CEP192: variants seen among roughly 807,000 people sequenced by gnomAD.
CEP192 encodes centrosomal protein of 192 kDa.
CEP192 carries 151 observed loss-of-function variants against 271.8 expected under a neutral mutation model. That is an observed-to-expected ratio of 0.56 (90% CI 0.49 to 0.64). The LOEUF (loss-of-function observed/expected upper bound fraction) is 0.64. Among genes scored for constraint, CEP192 ranks in the 30% least tolerant of loss-of-function variants. CEP192 has a pLI of 0.00. For missense variants in CEP192, 2,910 were observed against 3,020.5 expected, an observed-to-expected ratio of 0.96 and a Z score of 0.86; for synonymous variants, 995 against 1,076.5, an observed-to-expected ratio of 0.92 and a Z score of 1.48.
chr18:13,049,447 A>C lies in CEP192; in HGVS notation c.2656A>C (p.Asn886His). Residue 886 changes from asparagine to histidine, a missense_variant, in exon 16 of 45, where the codon AAC (asparagine) becomes CAC (histidine). Asn to His is a moderately conservative substitution (Grantham distance 68, BLOSUM62 1). Transcript: ENST00000506447. Reference sequence around the variant, plus strand: ...TGATGTGAAGACATGTTCCATTGACAACAAATTACAAGATGTTGGTAACGA... The same window carrying C: ...TGATGTGAAGACATGTTCCATTGACCACAAATTACAAGATGTTGGTAACGA... ...VVDVKTCSID[N>H]KLQDVGNDEK... is the part of the protein sequence containing the mutation. The C allele has an allele frequency of 6.2e-7, 1 of 1,614,184 alleles. No homozygotes were observed. Among genetic ancestry groups the C allele is most frequent in the Non-Finnish European group, 8.5e-7 (1 of 1,180,026 alleles).
chr18:12,991,588 A>G (rs940093625), intron 1 of CEP192, among the ~76,000 whole-genome samples, 151 bp downstream of exon 1: 1 of 152,260 alleles, frequency 6.6e-6, no homozygotes, highest in Non-Finnish European at 1.5e-5. Flanking sequence ...GGCGCGAGCA[A>G]GGGGACTGCC....
intron 33 of CEP192, among the ~76,000 whole-genome samples, chr18:13,090,691 C>T (rs1457905762): frequency 6.6e-6 from 1 of 152,098 alleles, no homozygotes; most frequent in Non-Finnish European, 1.5e-5. Context: ...CAGGAGTGTG[C>T]TAAGGGACCA....
At chr18:13,103,784 AG>A in intron 39 of CEP192, 196 bp downstream of exon 39, 1 of 630,296 alleles carries the variant, frequency 1.6e-6, no homozygotes, top group Non-Finnish European at 2.9e-6. Flanking sequence ...TCAACCTCCC[AG>A]GCTCAAGCAA....
chr18:13,041,679 C>T (rs1036771349), intron 14 of CEP192, among the ~76,000 whole-genome samples: 2 of 151,920 alleles, frequency 1.3e-5, no homozygotes, highest in Non-Finnish European at 2.9e-5. Context: ...ATTCTCCCAC[C>T]TCAGCCTCCC....
At chr18:13,040,735 C>A (rs2036156650) in intron 13 of CEP192, 95 bp from the exon 14 acceptor site, 1 of 959,166 alleles carries the variant, frequency 1.0e-6, no homozygotes, top group Non-Finnish European at 1.5e-6. Context: ...TTTTTGATGT[C>A]ATTTAGCTGT....
At position 13,029,760 on chromosome 18, in the gene CEP192, G is replaced by A. The variant is rs2035510117; in HGVS notation, c.1148G>A (p.Gly383Asp). Residue 383 changes from glycine to aspartate, a missense_variant, in exon 10 of 45, where the codon GGT becomes GAT. By Grantham distance (94) the Gly-to-Asp change is moderately conservative. Coordinates refer to ENST00000506447, the MANE Select transcript of CEP192 (RefSeq NM_032142.4). ...NFHDANANRGGFDLTDPVKQG... is the reference protein window; with the variant it reads ...NFHDANANRGDFDLTDPVKQG... ...CATGATGCAAATGCCAATAGAGGTGGTTTTGATCTGACTGACCCTGTAAAA... is the reference window on the plus strand; with the variant it reads ...CATGATGCAAATGCCAATAGAGGTGATTTTGATCTGACTGACCCTGTAAAA... 1 of 1,551,640 alleles carries A rather than the reference G, an allele frequency of 6.4e-7. No individual in the cohort carries two copies. The highest frequency in any genetic ancestry group is 8.7e-7 in the Non-Finnish European group (1 of 1,146,948).
At chr18:13,026,226 C>T (rs556308898) in intron 9 of CEP192, among the ~76,000 whole-genome samples, 155 of 152,244 alleles carry the variant, frequency 1.0e-3, no homozygotes, top group African/African-American at 3.4e-3. Context: ...AGCCAAATGT[C>T]GCTCTTTGTT....
intron 4 of CEP192, among the ~76,000 whole-genome samples, chr18:13,012,563 A>G (rs2034426074): frequency 6.6e-6 from 1 of 152,054 alleles, no homozygotes; most frequent in African/African-American, 2.4e-5. Flanking sequence ...GGGGTCTGAG[A>G]GAGGTTTTGT....
intron 34 of CEP192, among the ~76,000 whole-genome samples, chr18:13,094,514 C>T (rs2039296117): frequency 6.6e-6 from 1 of 152,076 alleles, no homozygotes; most frequent in African/African-American, 2.4e-5. Context: ...TTGATAGGTC[C>T]CCCGTCCTTC....
rs1275856128 is a variant in CEP192 at position 13,049,245 on chromosome 18, T to C, written c.2454T>C (p.Thr818=). Residue 818 remains threonine, a synonymous_variant, in exon 16 of 45, where the codon ACT becomes ACC. Coordinates refer to ENST00000506447, the MANE Select transcript of CEP192 (RefSeq NM_032142.4). ...ATTTATCTTTGCCCAAAGAACAAAC[T>C]ACTCAAGACATTCATCCGGTGGACT... The part of the protein sequence containing the change: ...TWDLSLPKEQ[T]TQDIHPVDLS... The C allele has an allele frequency of 1.2e-6, 2 of 1,614,156 alleles. No homozygotes were observed. Among genetic ancestry groups the C allele is most frequent in the Admixed American group, 3.3e-5 (2 of 60,024 alleles).
In CEP192 at chr18:13,072,786, G is replaced by A. The variant is rs751663232; in HGVS notation, c.5380G>A (p.Ala1794Thr). 1 of 1,611,806 alleles carries A rather than the reference G, an allele frequency of 6.2e-7. No homozygotes were observed. The highest frequency in any genetic ancestry group is 2.2e-5 in the East Asian group (1 of 44,860). The part of the protein sequence containing the change: ...LQKLALRNNS[A>T]STTQHLRLLI... ...GAAACTAGCTTTAAGAAATAATTCT[G>A]CATCTACAACTCAACATTTACGACT... Residue 1794 changes from alanine to threonine, a missense_variant, in exon 29 of 45, where the codon GCA becomes ACA. Physicochemically the swap from Ala to Thr is moderately conservative, Grantham distance 58 (BLOSUM62 0). Transcript: ENST00000506447.
At chr18:13,109,399 G>A (rs1279125431) in intron 40 of CEP192, among the ~76,000 whole-genome samples, 1 of 152,146 alleles carries the variant, frequency 6.6e-6, no homozygotes, top group East Asian at 1.9e-4. Flanking sequence ...ACTGGAAGTG[G>A]GAAAAGGGCT....
At chr18:13,025,414 G>C (rs754117691) in intron 9 of CEP192, among the ~76,000 whole-genome samples, 2 of 151,768 alleles carry the variant, frequency 1.3e-5, no homozygotes, top group African/African-American at 2.4e-5. Context: ...CTAGGGTCTT[G>C]CTATGTTGCC....
intron 21 of CEP192, among the ~76,000 whole-genome samples, chr18:13,064,473 G>A (rs937839554): frequency 5.3e-5 from 8 of 151,948 alleles, no homozygotes; most frequent in Admixed American, 2.6e-4. Context: ...TTAGCCAGGC[G>A]TGGTGGCGGG....
chr18:13,066,996 T>TGC (rs1319226494), intron 21 of CEP192, among the ~76,000 whole-genome samples: 2 of 151,510 alleles, frequency 1.3e-5, no homozygotes, highest in Non-Finnish European at 3.0e-5. Flanking sequence ...TGTGTGTGTG[T>TGC]GTGCCTGTAT....
chr18:13,085,467 C>T (rs1345968540), intron 30 of CEP192, among the ~76,000 whole-genome samples: 1 of 152,154 alleles, frequency 6.6e-6, no homozygotes, highest in African/African-American at 2.4e-5. Context: ...GAAGTCTTTG[C>T]CCATGTCTGT....
chr18:13,004,633 A>T (rs1054675812), intron 3 of CEP192, among the ~76,000 whole-genome samples: 1 of 152,074 alleles, frequency 6.6e-6, no homozygotes, highest in Non-Finnish European at 1.5e-5. Flanking sequence ...GTGAGGGTGG[A>T]GGAGGAGGAG....
In CEP192 at chr18:13,029,666, T is replaced by C. The variant is rs1271406749; in HGVS notation, c.1054T>C (p.Cys352Arg). 16 of 1,482,770 alleles carry C rather than the reference T, an allele frequency of 1.1e-5. No individual in the cohort carries two copies. The Admixed American group carries it at 1.5e-4, about 14-fold the overall frequency. 91.9% of individuals were successfully genotyped at this position (1,482,770 alleles called of 1,614,324 possible). A position where few individuals can be genotyped will look rare whatever the true frequency, so the allele number is the denominator to read the frequency against. Reference sequence around the variant, plus strand: ...AATCTGATTTTTTGTTTTAAAGGAATGTGCAAGTAAAGATGTTCTGGTGAA... The same window carrying C: ...AATCTGATTTTTTGTTTTAAAGGAACGTGCAAGTAAAGATGTTCTGGTGAA... The part of the protein sequence containing the change: ...KGIVPDLNSE[C>R]ASKDVLVKTL... Residue 352 changes from cysteine to arginine, a missense_variant, in exon 10 of 45, where the codon TGT becomes CGT. Transcript: ENST00000506447.
intron 17 of CEP192, 27 bp downstream of exon 17, chr18:13,049,918 AAT>A (rs2036685450): frequency 6.3e-7 from 1 of 1,588,702 alleles, no homozygotes; most frequent in Non-Finnish European, 8.5e-7. Flanking sequence ...TTTTTTAAAA[AAT>A]AAAAATATGC....
Sources: gnomAD v4.1 joint callset for allele counts (sites outside exome capture counted in the v4.1 genomes callset) on GRCh38, gnomAD v4.1.1 for gene constraint, MANE v1.5 for transcripts, NCBI Gene and HGNC (gene_info 2026-07-23, HGNC 2026-07-21) for gene names.